Variants in NDUFS1 observed in about 807,000 individuals in gnomAD.
NDUFS1 encodes the protein NADH:ubiquinone oxidoreductase core subunit S1.
A neutral mutation model predicts 84.4 loss-of-function variants in NDUFS1; 61 were observed. The observed-to-expected ratio is 0.72, with a 90% CI of 0.59 to 0.89. The LOEUF is 0.89. Ranked by LOEUF, NDUFS1 falls within the 40% of genes least tolerant of loss-of-function variation. The pLI, the probability that NDUFS1 is intolerant of heterozygous loss-of-function variation, is 0.00. For missense variants in NDUFS1, 891 were observed against 890.0 expected (o/e 1.00, Z -0.01); for synonymous variants, 275 against 290.0 (o/e 0.95, Z 0.53).
At chr2:206,129,241 C>T (rs900551912) in intron 15 of NDUFS1, among the ~76,000 whole-genome samples, 2 of 151,978 alleles carry the variant, frequency 1.3e-5, no homozygotes, top group Admixed American at 6.6e-5. Context: ...GGACTAAAAA[C>T]AGGATTTTAG....
intron 7 of NDUFS1, 60 bp from the exon 8 acceptor site, chr2:206,147,148 T>A: frequency 5.3e-6 from 8 of 1,508,266 alleles, no homozygotes; most frequent in Middle Eastern, 1.9e-4. Flanking sequence ...TCCTTTCTTA[T>A]TCATGATCAC....
chr2:206,151,999 G>A (rs1198659950), intron 3 of NDUFS1, among the ~76,000 whole-genome samples: 1 of 152,146 alleles, frequency 6.6e-6, no homozygotes, highest in Non-Finnish European at 1.5e-5. Context: ...TCGAGTAGCT[G>A]GGATTACAGG....
At chr2:206,136,981 G>A (rs887109916) in intron 13 of NDUFS1, among the ~76,000 whole-genome samples, 5 of 151,250 alleles carry the variant, frequency 3.3e-5, no homozygotes, top group East Asian at 2.0e-4. Context: ...TCAAACTCCC[G>A]ACCTCAGGTG....
intron 7 of NDUFS1, 63 bp from the exon 8 acceptor site, chr2:206,147,151 A>C: frequency 6.7e-7 from 1 of 1,491,202 alleles, no homozygotes; most frequent in Middle Eastern, 2.0e-4. Context: ...TTTCTTATTC[A>C]TGATCACAAA....
rs1440359873 is a variant in NDUFS1, at chr2:206,120,052, CT to C, written c.*4132del. On this transcript the variant is annotated 3_prime_UTR_variant, in exon 19 of 19. Transcript: ENST00000233190. ...TTTAGAGTCTGGGACCTCCTCCTCTCTCTTGCTCCCTCTCTCACCATGTGAT... is the reference window on the plus strand; with the variant it reads ...TTTAGAGTCTGGGACCTCCTCCTCTCCTTGCTCCCTCTCTCACCATGTGAT... The C allele has an allele frequency of 6.6e-6, 1 of 152,178 alleles. No homozygotes were observed. Among genetic ancestry groups the C allele is most frequent in the East Asian group, 1.9e-4 (1 of 5,196 alleles). 9.4% of individuals were successfully genotyped at this position (152,178 alleles called of 1,614,324 possible).
At chr2:206,146,869 A>T (rs749669704) in intron 8 of NDUFS1, 34 bp downstream of exon 8, 1 of 1,589,048 alleles carries the variant, frequency 6.3e-7, no homozygotes, top group South Asian at 1.1e-5. Context: ...TGAATTAAGG[A>T]CAAAAAAACA....
Position 206,124,052 on chromosome 2 carries a change from T to C in NDUFS1, c.*133A>G. On this transcript the variant is annotated 3_prime_UTR_variant, in exon 19 of 19. Transcript: ENST00000233190. ...AACTAATATCATTTTCAAATAGGCA[T>C]AGTATAACCTTAAATATTACATGAT... 5 of 674,574 alleles carry C rather than the reference T, an allele frequency of 7.4e-6. No individual in the cohort carries two copies. The highest frequency in any genetic ancestry group is 1.3e-5 in the Non-Finnish European group (5 of 384,840). The allele number at this position is 674,574 out of a possible 1,614,324, so 41.8% of individuals were successfully genotyped here.
At chr2:206,137,351 G>A (rs1162316993) in intron 13 of NDUFS1, among the ~76,000 whole-genome samples, 1 of 152,084 alleles carries the variant, frequency 6.6e-6, no homozygotes, top group Non-Finnish European at 1.5e-5. Flanking sequence ...GTGCGTGCCT[G>A]TAGTCCCAGC....
intron 15 of NDUFS1, among the ~76,000 whole-genome samples, chr2:206,129,544 G>C (rs546671661): frequency 1.3e-5 from 2 of 151,600 alleles, no homozygotes; most frequent in African/African-American, 4.8e-5. Flanking sequence ...ATTACAGCAT[G>C]AGCCACGGCA....
In NDUFS1 at chr2:206,144,931, T is replaced by C. The variant is rs767143264; in HGVS notation, c.833A>G (p.His278Arg). The change falls in exon 9 of 19, where the codon CAT becomes CGT. Residue 278 changes from histidine to arginine, a missense_variant. Coordinates refer to ENST00000233190, the MANE Select transcript of NDUFS1 (RefSeq NM_005006.7). ...GATCCACTCTTCATTGATGTCCTCATGCATACGTGGCAAAATCCTCATCAC... is the reference window on the plus strand; with the variant it reads ...GATCCACTCTTCATTGATGTCCTCACGCATACGTGGCAAAATCCTCATCAC... ...GEVMRILPRMHEDINEEWISD... is the reference protein window; with the variant it reads ...GEVMRILPRMREDINEEWISD... 3.1e-6 allele frequency: 5 copies of C among 1,614,138 alleles called. No homozygotes were observed. The highest frequency in any genetic ancestry group is 2.2e-5 in the South Asian group (2 of 91,084).
intron 2 of NDUFS1, among the ~76,000 whole-genome samples, chr2:206,152,960 T>A (rs1692433254): frequency 2.6e-5 from 4 of 152,096 alleles, no homozygotes; most frequent in Admixed American, 2.6e-4. Flanking sequence ...TGCCTCGGCC[T>A]CCCAAAGTGC....
rs779467412 is a variant in NDUFS1 at position 206,124,213 on chromosome 2, T to C, written c.2156A>G (p.Gln719Arg). The change falls in exon 19 of 19, where the codon CAG becomes CGG. Residue 719 changes from glutamine (Q) to arginine (R), a missense_variant. By Grantham distance (43) the Gln-to-Arg change is conservative. Coordinates refer to ENST00000233190, the MANE Select transcript of NDUFS1 (RefSeq NM_005006.7). ...GCATATGGATGGTTCCTCTACTGCC[T>C]GGGCACCCTCTGTGACAGCTTTGAC... The part of the protein sequence containing the change: ...KCVKAVTEGA[Q>R]AVEEPSIC 2.0e-5 allele frequency: 32 copies of C among 1,613,198 alleles called. No homozygotes were observed. The highest frequency in any genetic ancestry group is 2.6e-5 in the Non-Finnish European group (31 of 1,179,262).
chr2:206,134,923 G>C (rs1691652589), intron 13 of NDUFS1, among the ~76,000 whole-genome samples: 1 of 152,080 alleles, frequency 6.6e-6, no homozygotes, highest in East Asian at 1.9e-4. Flanking sequence ...GCTACAGTCA[G>C]CTACAATTCT....
chr2:206,119,819 CTTTT>C lies in NDUFS1; in HGVS notation c.*4362_*4365del, dbSNP rs200134015. On this transcript the variant is annotated 3_prime_UTR_variant, in exon 19 of 19. Coordinates refer to ENST00000233190, the MANE Select transcript of NDUFS1 (RefSeq NM_005006.7). ...AAGATATTTTTGGATATATATTCAA[CTTTT>C]TTTTTTAAGAGTTGGGGGTCTTGTT... 1.5e-4 allele frequency: 22 copies of C among 149,204 alleles called. No individual in the cohort carries two copies. Among genetic ancestry groups the C allele is most frequent in the African/African-American group, 5.4e-4 (22 of 40,800 alleles). 9.2% of individuals were successfully genotyped at this position (149,204 alleles called of 1,614,324 possible).
chr2:206,131,414 C>G (rs922822355), intron 14 of NDUFS1, among the ~76,000 whole-genome samples: 11 of 152,106 alleles, frequency 7.2e-5, no homozygotes, highest in Non-Finnish European at 1.6e-4. Flanking sequence ...AAATTTCTGA[C>G]CATAGTAGGA....
chr2:206,141,537 C>CA (rs1203575862), intron 12 of NDUFS1, among the ~76,000 whole-genome samples: 13 of 129,596 alleles, frequency 1.0e-4, no homozygotes, highest in Admixed American at 4.0e-4. Context: ...GTCTCAAAGA[C>CA]AAAAAAATAA....
chr2:206,141,275 T>C (rs1447818239), intron 12 of NDUFS1, among the ~76,000 whole-genome samples: 1 of 151,988 alleles, frequency 6.6e-6, no homozygotes, highest in African/African-American at 2.4e-5. Flanking sequence ...CCGGGCGCGG[T>C]GGCTCACACC....
chr2:206,126,850 ACAT>A lies in NDUFS1; in HGVS notation c.1885-9_1885-7del. The A allele has an allele frequency of 5.0e-6, 8 of 1,614,048 alleles. No homozygotes were observed. Among genetic ancestry groups the A allele is most frequent in the Non-Finnish European group, 6.8e-6 (8 of 1,180,012 alleles). On this transcript the variant is annotated splice_polypyrimidine_tract_variant and splice_region_variant and intron_variant, in intron 16 of 18. Coordinates refer to ENST00000233190, the MANE Select transcript of NDUFS1 (RefSeq NM_005006.7). ...GGAAGAGTCATTCCAGCAATCTACA[ACAT>A]GTCAGGTCCCCAAAAACAACAAAAA... is the stretch of plus-strand genomic sequence containing the variant.
At chr2:206,136,189 T>A (rs1473428980) in intron 13 of NDUFS1, among the ~76,000 whole-genome samples, 1 of 151,738 alleles carries the variant, frequency 6.6e-6, no homozygotes, top group Non-Finnish European at 1.5e-5. Flanking sequence ...TAGCTGGGAT[T>A]ACAGGCCACT....
Sources: gnomAD v4.1 joint callset for allele counts (sites outside exome capture counted in the v4.1 genomes callset) on GRCh38, gnomAD v4.1.1 for gene constraint, MANE v1.5 for transcripts, NCBI Gene and HGNC (gene_info 2026-07-23, HGNC 2026-07-21) for gene names.